The following TENM4 variants were observed in gnomAD, a reference collection of about 807,000 sequenced individuals.
TENM4 encodes the protein teneurin transmembrane protein 4, also known as teneurin-4.
TENM4 carries 82 observed loss-of-function variants against 243.3 expected under a neutral mutation model. The ratio of observed to expected loss-of-function variants is 0.34; its 90% CI spans 0.28 to 0.40. The LOEUF is 0.40. Among genes scored for constraint, TENM4 ranks in the 10% least tolerant of loss-of-function variants. The probability of loss-of-function intolerance (pLI) is 1.00; values close to 1 mark genes in which losing one functional copy is unlikely to be tolerated. For missense variants in TENM4, 3,138 were observed against 3,673.3 expected (o/e 0.85, Z 3.77); for synonymous variants, 1,412 against 1,456.3 (o/e 0.97, Z 0.69).
chr11:79,266,555 A>C (rs2135336325), intron 2 of TENM4, among the ~76,000 whole-genome samples: 1 of 151,966 alleles, frequency 6.6e-6, no homozygotes, highest in African/African-American at 2.4e-5. Context: ...TGGTGTCAGT[A>C]GGCCCTTATC....
intron 1 of TENM4, among the ~76,000 whole-genome samples, chr11:79,313,793 C>T (rs911666075): frequency 4.6e-5 from 7 of 152,150 alleles, no homozygotes; most frequent in Non-Finnish European, 8.8e-5. Context: ...GGCCCTGCCT[C>T]GGACTCATCT....
chr11:78,708,947 TTTC>T (rs1287851667), intron 26 of TENM4, among the ~76,000 whole-genome samples: 1 of 147,124 alleles, frequency 6.8e-6, no homozygotes, highest in African/African-American at 2.6e-5. Context: ...GGTAACCATT[TTTC>T]TTTTCTTTCT....
chr11:78,908,883 A>G (rs568583200), intron 6 of TENM4, among the ~76,000 whole-genome samples: 1 of 152,322 alleles, frequency 6.6e-6, no homozygotes, highest in South Asian at 2.1e-4. Context: ...TGTTGTATGC[A>G]GGGACTTGAT....
At chr11:79,206,055 G>A (rs1021899568) in intron 3 of TENM4, among the ~76,000 whole-genome samples, 2 of 152,218 alleles carry the variant, frequency 1.3e-5, no homozygotes, top group African/African-American at 2.4e-5. Flanking sequence ...GAGCAATGAA[G>A]CCTGTCCAAG....
chr11:78,802,280 T>G (rs1857296468), intron 15 of TENM4, among the ~76,000 whole-genome samples: 1 of 152,242 alleles, frequency 6.6e-6, no homozygotes, highest in Non-Finnish European at 1.5e-5. Context: ...TCTACGTGCA[T>G]ACCAAAACGA....
chr11:78,895,398 G>T (rs1565428041), intron 7 of TENM4, among the ~76,000 whole-genome samples: 1 of 152,094 alleles, frequency 6.6e-6, no homozygotes. Flanking sequence ...TTAGTTCTGG[G>T]TCAAATTACT....
At chr11:79,084,489 C>T (rs1860756668) in intron 4 of TENM4, among the ~76,000 whole-genome samples, 1 of 152,114 alleles carries the variant, frequency 6.6e-6, no homozygotes, top group Admixed American at 6.5e-5. Flanking sequence ...AACAGGTAAG[C>T]AGTTAAATCA....
intron 6 of TENM4, among the ~76,000 whole-genome samples, chr11:79,028,466 C>T (rs760234614): frequency 6.6e-6 from 1 of 152,226 alleles, no homozygotes; most frequent in Non-Finnish European, 1.5e-5. Flanking sequence ...CAACACAGGC[C>T]TCAGCCAATC....
chr11:78,763,834 C>T (rs1182233940), intron 18 of TENM4, among the ~76,000 whole-genome samples: 2 of 143,410 alleles, frequency 1.4e-5, no homozygotes, highest in East Asian at 2.1e-4. Context: ...AAAGAGTGAA[C>T]GAGTAAGTCA....
intron 3 of TENM4, among the ~76,000 whole-genome samples, chr11:79,173,447 T>C (rs1262880192): frequency 6.6e-6 from 1 of 152,168 alleles, no homozygotes; most frequent in African/African-American, 2.4e-5. Flanking sequence ...AGGAGCTGGC[T>C]TATCCTCTGC....
chr11:79,102,067 T>C (rs1203450363), intron 4 of TENM4, among the ~76,000 whole-genome samples: 1 of 152,198 alleles, frequency 6.6e-6, no homozygotes, highest in African/African-American at 2.4e-5. Flanking sequence ...CCCAGTCTCC[T>C]GATGTATAAC....
At chr11:78,906,182 T>C (rs915339949) in intron 6 of TENM4, among the ~76,000 whole-genome samples, 1 of 152,264 alleles carries the variant, frequency 6.6e-6, no homozygotes, top group African/African-American at 2.4e-5. Context: ...TAATGTGTGC[T>C]TTCAAACCCT....
At chr11:78,914,017 C>T (rs1192844701) in intron 6 of TENM4, among the ~76,000 whole-genome samples, 2 of 152,122 alleles carry the variant, frequency 1.3e-5, no homozygotes, top group East Asian at 3.9e-4. Context: ...ACGCTAAACG[C>T]CTTATAATGT....
intron 2 of TENM4, among the ~76,000 whole-genome samples, chr11:79,260,113 G>A (rs1855770867): frequency 6.6e-6 from 1 of 152,170 alleles, no homozygotes; most frequent in Non-Finnish European, 1.5e-5. Context: ...TTGTACATCT[G>A]TTTCTCATGT....
chr11:78,960,118 C>G (rs1857286264), intron 6 of TENM4, among the ~76,000 whole-genome samples: 1 of 152,128 alleles, frequency 6.6e-6, no homozygotes, highest in East Asian at 1.9e-4. Context: ...CAGTGAGCCA[C>G]AAAGCTGGGT....
intron 1 of TENM4, among the ~76,000 whole-genome samples, chr11:79,415,470 C>T (rs991742847): frequency 6.6e-6 from 1 of 152,162 alleles, no homozygotes; most frequent in Admixed American, 6.5e-5. Flanking sequence ...AGACTCGGTG[C>T]TCAGGGCTTT....
chr11:79,056,485 C>T (rs1167191736), intron 6 of TENM4, among the ~76,000 whole-genome samples: 2 of 151,920 alleles, frequency 1.3e-5, no homozygotes, highest in African/African-American at 2.4e-5. Context: ...AGCTAGTAGC[C>T]GTCAGTGTTG....
At chr11:79,033,211 C>T (rs537257790) in intron 6 of TENM4, among the ~76,000 whole-genome samples, 3 of 152,188 alleles carry the variant, frequency 2.0e-5, no homozygotes, top group African/African-American at 4.8e-5. Flanking sequence ...ACTGCGAGAT[C>T]CATCCCTAGT....
At chr11:78,800,886 T>C (rs1041519025) in intron 15 of TENM4, among the ~76,000 whole-genome samples, 1 of 152,094 alleles carries the variant, frequency 6.6e-6, no homozygotes, top group African/African-American at 2.4e-5. Context: ...AGAAAAGGGA[T>C]GCCAGTATGT....
Sources: allele counts gnomAD v4.1 joint callset (sites outside exome capture counted in the v4.1 genomes callset), GRCh38; gene constraint gnomAD v4.1.1; transcripts MANE v1.5; gene names NCBI Gene and HGNC (gene_info 2026-07-23, HGNC 2026-07-21).